The following ZMYND8 variants were observed in gnomAD, a reference collection of about 807,000 sequenced individuals.
ZMYND8 encodes zinc finger MYND-type containing 8, also known as MYND-type zinc finger-containing chromatin reader ZMYND8.
ZMYND8 carries 37 observed loss-of-function variants against 140.8 expected under a neutral mutation model. The ratio of observed to expected loss-of-function variants is 0.26; its 90% CI spans 0.20 to 0.35. ZMYND8 has a LOEUF of 0.35. ZMYND8 is among the 10% of genes least tolerant of loss of function. The pLI is 1.00. For synonymous variants in ZMYND8, 592 were observed against 597.1 expected (o/e 0.99, Z 0.12); for missense variants, 1,068 against 1,570.0 (o/e 0.68, Z 5.40).
intron 12 of ZMYND8, among the ~76,000 whole-genome samples, chr20:47,254,380 G>A (rs956413269): frequency 6.6e-6 from 1 of 152,122 alleles, no homozygotes; most frequent in Non-Finnish European, 1.5e-5. Flanking sequence ...TTTATCCTAT[G>A]GATTACCCTC....
intron 7 of ZMYND8, 65 bp from the exon 8 acceptor site, chr20:47,287,349 T>A (rs1012968966): frequency 7.5e-7 from 1 of 1,333,108 alleles, no homozygotes; most frequent in Admixed American, 1.7e-5. Flanking sequence ...CTGGGGACTT[T>A]ACTTCCGCTA....
chr20:47,297,134 G>A (rs925268145), intron 4 of ZMYND8, among the ~76,000 whole-genome samples: 9 of 152,108 alleles, frequency 5.9e-5, no homozygotes, highest in African/African-American at 1.9e-4. Flanking sequence ...AGAGGAGGGC[G>A]CCGCTGTACA....
intron 8 of ZMYND8, among the ~76,000 whole-genome samples, chr20:47,286,086 T>G (rs945895467): frequency 1.1e-4 from 16 of 152,046 alleles, no homozygotes; most frequent in South Asian, 6.2e-4. Flanking sequence ...ATTAGCTGGG[T>G]GTGATGGTGC....
At chr20:47,254,531 T>G (rs1049323926) in intron 12 of ZMYND8, among the ~76,000 whole-genome samples, 11 of 152,210 alleles carry the variant, frequency 7.2e-5, no homozygotes, top group Admixed American at 5.9e-4. Context: ...TAAAATGAAA[T>G]GAAGGCCGAT....
At chr20:47,333,268 A>C (rs2081099298) in intron 2 of ZMYND8, among the ~76,000 whole-genome samples, 1 of 152,078 alleles carries the variant, frequency 6.6e-6, no homozygotes, top group South Asian at 2.1e-4. Flanking sequence ...CTGTAGTCCC[A>C]GCTACACCAG....
intron 2 of ZMYND8, among the ~76,000 whole-genome samples, chr20:47,318,197 T>C (rs553737233): frequency 6.6e-6 from 1 of 152,274 alleles, no homozygotes; most frequent in East Asian, 1.9e-4. Context: ...GATTTCTGCA[T>C]TTCAATCAGA....
At chr20:47,309,220 A>C (rs1298637308) in intron 3 of ZMYND8, among the ~76,000 whole-genome samples, 7 of 152,136 alleles carry the variant, frequency 4.6e-5, no homozygotes, top group Non-Finnish European at 1.0e-4. Context: ...CTCTGGAAAG[A>C]ATCCTCTGTG....
intron 14 of ZMYND8, among the ~76,000 whole-genome samples, chr20:47,242,914 G>C (rs1445104315): frequency 1.3e-5 from 2 of 151,994 alleles, no homozygotes; most frequent in East Asian, 1.9e-4. Flanking sequence ...TTTTTTAAAG[G>C]GTCAGCACCT....
chr20:47,270,699 A>C (rs1190216423), intron 11 of ZMYND8, among the ~76,000 whole-genome samples: 1 of 25,288 alleles, frequency 4.0e-5, no homozygotes, highest in African/African-American at 3.3e-4. Context: ...CTGTCTCTGA[A>C]AAAAAAAAAA....
chr20:47,271,528 C>T (rs2075947112), intron 11 of ZMYND8, among the ~76,000 whole-genome samples: 1 of 152,206 alleles, frequency 6.6e-6, no homozygotes, highest in Non-Finnish European at 1.5e-5. Flanking sequence ...CCAGTCTCTA[C>T]CTACCACTCC....
At chr20:47,244,020 A>G (rs576892331) in intron 14 of ZMYND8, among the ~76,000 whole-genome samples, 5 of 152,152 alleles carry the variant, frequency 3.3e-5, no homozygotes, top group African/African-American at 1.2e-4. Context: ...CTCTTCCTCC[A>G]CTGTACCTCT....
intron 12 of ZMYND8, among the ~76,000 whole-genome samples, chr20:47,256,068 T>C (rs534587961): frequency 1.3e-5 from 2 of 149,742 alleles, no homozygotes; most frequent in South Asian, 4.2e-4. Context: ...AGCAAAGCTC[T>C]GTCTCAAAAA....
At chr20:47,287,446 A>G (rs1338616131) in intron 7 of ZMYND8, among the ~76,000 whole-genome samples, 162 bp from the exon 8 acceptor site, 2 of 152,210 alleles carry the variant, frequency 1.3e-5, no homozygotes, top group Non-Finnish European at 2.9e-5. Flanking sequence ...AATTCACATT[A>G]TGTGATTCCT....
Position 47,210,613 on chromosome 20 carries a change from G to A in ZMYND8, c.*148C>T, listed in dbSNP as rs542822693. On this transcript the variant is annotated 3_prime_UTR_variant, in exon 23 of 23. Coordinates refer to ENST00000471951, the MANE Select transcript of ZMYND8 (RefSeq NM_001281775.3). Reference sequence around the variant, plus strand: ...ATGCTGGGTGTCCTGTAGTGTAGCAGCCCCCGCGCCGGGGGCTCAGGCTCA... The same window carrying A: ...ATGCTGGGTGTCCTGTAGTGTAGCAACCCCCGCGCCGGGGGCTCAGGCTCA... 3.7e-4 allele frequency: 471 copies of A among 1,261,564 alleles called. 4 individuals carry two copies. The South Asian group carries it at 5.7e-3, about 15-fold the overall frequency. 78.1% of individuals were successfully genotyped at this position (1,261,564 alleles called of 1,614,324 possible).
rs752223512 is a variant in ZMYND8 at position 47,219,351 on chromosome 20, C to A, written c.3484+907G>T. 4.0e-5 allele frequency among the ~76,000 whole-genome samples: 6 copies of A among 151,776 alleles called. No individual in the cohort carries two copies. The South Asian group carries it at 1.0e-3, about 26-fold the overall frequency. Reference sequence around the variant, plus strand: ...GATTACAGGCATGAGCCACTGCGCCCGGCCTACCAAAATTTTTTTAAAAAA... The same window carrying A: ...GATTACAGGCATGAGCCACTGCGCCAGGCCTACCAAAATTTTTTTAAAAAA... On this transcript the variant is annotated intron_variant, in intron 21 of 22. Transcript: ENST00000471951.
intron 11 of ZMYND8, among the ~76,000 whole-genome samples, chr20:47,265,037 C>CAAAAAAAAA (rs1487791973): frequency 6.7e-5 from 6 of 89,700 alleles, no homozygotes; most frequent in African/African-American, 2.5e-4. Context: ...ACCCTGTCCC[C>CAAAAAAAAA]AAAAAAATAT....
intron 1 of ZMYND8, among the ~76,000 whole-genome samples, chr20:47,352,238 G>A (rs927201980): frequency 9.2e-5 from 14 of 152,156 alleles, no homozygotes; most frequent in Non-Finnish European, 2.1e-4. Flanking sequence ...CCAAAAAGGC[G>A]CTAGGTAAAA....
At chr20:47,265,588 G>A (rs2147621649) in intron 11 of ZMYND8, among the ~76,000 whole-genome samples, 1 of 152,284 alleles carries the variant, frequency 6.6e-6, no homozygotes, top group East Asian at 1.9e-4. Flanking sequence ...CTACAGGTAT[G>A]TGCCACCATG....
rs184456282 is a variant in ZMYND8 at position 47,223,644 on chromosome 20, G to A, written c.3256+673C>T. ...GTTAAAGACCAGCCTGACCAACATGGAGAAACCCCATCTCTACTAAAAATA... is the reference window on the plus strand; with the variant it reads ...GTTAAAGACCAGCCTGACCAACATGAAGAAACCCCATCTCTACTAAAAATA... On this transcript the variant is annotated intron_variant, in intron 19 of 22. Transcript: ENST00000471951. Among the ~76,000 whole-genome samples the A allele has an allele frequency of 2.6e-4, 40 of 152,060 alleles. No homozygotes were observed. In the East Asian group the frequency reaches 7.5e-3, roughly 29 times the overall value.
Sources: gnomAD v4.1 joint callset for allele counts (sites outside exome capture counted in the v4.1 genomes callset) on GRCh38, gnomAD v4.1.1 for gene constraint, MANE v1.5 for transcripts, NCBI Gene and HGNC (gene_info 2026-07-23, HGNC 2026-07-21) for gene names.